MAGI2: variants seen among roughly 807,000 people sequenced by gnomAD.
MAGI2 encodes membrane-associated guanylate kinase, WW and PDZ domain-containing protein 2.
In MAGI2, 35 loss-of-function variants were observed where a neutral mutation model predicts 133.3. The ratio of observed to expected loss-of-function variants is 0.26; its 90% CI spans 0.20 to 0.35. The LOEUF (loss-of-function observed/expected upper bound fraction) is 0.35, where lower values mean the gene tolerates loss of function less well. Ranked by LOEUF, MAGI2 falls within the 10% of genes least tolerant of loss-of-function variation. MAGI2 has a pLI of 1.00. For missense variants in MAGI2, 1,636 were observed against 1,863.4 expected (o/e 0.88, Z 2.25); for synonymous variants, 729 against 710.6 (o/e 1.03, Z -0.41).
intron 1 of MAGI2, among the ~76,000 whole-genome samples, chr7:79,320,160 G>A (rs564766574): frequency 6.6e-6 from 1 of 152,062 alleles, no homozygotes; most frequent in East Asian, 1.9e-4. Flanking sequence ...TATTGCTTTA[G>A]AGAGTAAAAG....
intron 2 of MAGI2, among the ~76,000 whole-genome samples, chr7:79,002,655 T>C (rs1357847200): frequency 2.0e-5 from 3 of 151,656 alleles, no homozygotes; most frequent in Non-Finnish European, 4.4e-5. Context: ...AACTGTAAAA[T>C]AAACTCAACA....
intron 2 of MAGI2, among the ~76,000 whole-genome samples, chr7:78,708,954 A>G (rs1170671974): frequency 1.3e-5 from 2 of 152,000 alleles, no homozygotes; most frequent in African/African-American, 4.8e-5. Flanking sequence ...TCATATAATA[A>G]ATACCCTTCC....
At chr7:79,305,329 G>A (rs1837703908) in intron 1 of MAGI2, among the ~76,000 whole-genome samples, 1 of 152,070 alleles carries the variant, frequency 6.6e-6, no homozygotes, top group South Asian at 2.1e-4. Flanking sequence ...TGGAAGCTTT[G>A]ATTTAAAAAT....
chr7:78,697,763 G>T (rs1817666879), intron 2 of MAGI2, among the ~76,000 whole-genome samples: 2 of 151,826 alleles, frequency 1.3e-5, no homozygotes, highest in South Asian at 4.2e-4. Flanking sequence ...ATTTTTTTCA[G>T]GTCTTTAAGA....
chr7:79,203,395 C>G (rs1183296710), intron 1 of MAGI2, among the ~76,000 whole-genome samples: 3 of 152,028 alleles, frequency 2.0e-5, no homozygotes, highest in Non-Finnish European at 2.9e-5. Flanking sequence ...CCTATTTCAT[C>G]TGGTCCTGTC....
chr7:78,719,353 G>A (rs1211981493), intron 2 of MAGI2, among the ~76,000 whole-genome samples: 1 of 151,252 alleles, frequency 6.6e-6, no homozygotes, highest in African/African-American at 2.4e-5. Flanking sequence ...TTCCCTTAAG[G>A]TTGAAGGAAA....
chr7:79,055,525 C>G (rs988245618), intron 1 of MAGI2, among the ~76,000 whole-genome samples: 6 of 151,222 alleles, frequency 4.0e-5, no homozygotes, highest in Admixed American at 2.0e-4. Flanking sequence ...AGGAAAGTGA[C>G]AAGAGCAGCC....
chr7:78,171,684 T>C (rs1826122241), intron 14 of MAGI2, among the ~76,000 whole-genome samples: 1 of 152,248 alleles, frequency 6.6e-6, no homozygotes, highest in African/African-American at 2.4e-5. Flanking sequence ...CCACTGGTCC[T>C]GGGATCAGGA....
At chr7:78,700,995 T>C (rs1270712675) in intron 2 of MAGI2, among the ~76,000 whole-genome samples, 1 of 150,594 alleles carries the variant, frequency 6.6e-6, no homozygotes, top group Non-Finnish European at 1.5e-5. Context: ...AAATAAAATA[T>C]TAAATTTTAA....
intron 9 of MAGI2, among the ~76,000 whole-genome samples, chr7:78,330,707 T>C (rs879453313): frequency 6.6e-6 from 1 of 150,546 alleles, no homozygotes; most frequent in Non-Finnish European, 1.5e-5. Context: ...GGTTATGAAC[T>C]AAGCCTTGGG....
chr7:78,713,236 T>C (rs956765033), intron 2 of MAGI2, among the ~76,000 whole-genome samples: 1 of 152,204 alleles, frequency 6.6e-6, no homozygotes, highest in Non-Finnish European at 1.5e-5. Context: ...TTGTGCATAA[T>C]GTTTATTCCT....
intron 1 of MAGI2, among the ~76,000 whole-genome samples, chr7:79,339,304 T>C: frequency 6.6e-6 from 1 of 152,240 alleles, no homozygotes; most frequent in East Asian, 1.9e-4. Flanking sequence ...TTTTGTACTG[T>C]TAAGTGATAC....
chr7:78,767,164 G>GTATTTTCA (rs1310275046), intron 2 of MAGI2, among the ~76,000 whole-genome samples: 1 of 151,924 alleles, frequency 6.6e-6, no homozygotes, highest in African/African-American at 2.4e-5. Context: ...TAATTGTTTT[G>GTATTTTCA]TATTTTCAAT....
chr7:78,534,856 C>G (rs1797749615), intron 3 of MAGI2, among the ~76,000 whole-genome samples: 1 of 152,128 alleles, frequency 6.6e-6, no homozygotes, highest in South Asian at 2.1e-4. Context: ...TGAGTAAGGC[C>G]AGGTGCAGTG....
chr7:79,271,242 AGCATTCTGT>A (rs1834851345), intron 1 of MAGI2, among the ~76,000 whole-genome samples: 1 of 152,188 alleles, frequency 6.6e-6, no homozygotes, highest in Admixed American at 6.5e-5. Context: ...ACAATCATAT[AGCATTCTGT>A]GCCATCACAT....
At chr7:79,273,086 C>T (rs1834992678) in intron 1 of MAGI2, among the ~76,000 whole-genome samples, 1 of 152,024 alleles carries the variant, frequency 6.6e-6, no homozygotes, top group Non-Finnish European at 1.5e-5. Context: ...CAAGCCAATT[C>T]AGCAAATATT....
At position 79,290,678 on chromosome 7, in the gene MAGI2, T is replaced by C. The variant is rs1585445838; in HGVS notation, c.301+162342A>G. ...GATTTCTTCACACATTTAGTGTTCATTACTTTTCCACGATATGGTTCTAGA... is the reference window on the plus strand; with the variant it reads ...GATTTCTTCACACATTTAGTGTTCACTACTTTTCCACGATATGGTTCTAGA... On this transcript the variant is annotated intron_variant, in intron 1 of 21. Coordinates refer to ENST00000354212, the MANE Select transcript of MAGI2 (RefSeq NM_012301.4). Among the ~76,000 whole-genome samples the C allele has an allele frequency of 2.0e-5, 3 of 152,046 alleles. No homozygotes were observed. In the East Asian group the frequency reaches 5.8e-4, roughly 29 times the overall value.
rs185020990 is a variant in MAGI2 at position 79,068,071 on chromosome 7, C to T, written c.302-60865G>A. Reference sequence around the variant, plus strand: ...GGATATTGGCCTGAAATTTTCCTTTCTTGTTGTGTCTCTGCCAGGTTTTGG... The same window carrying T: ...GGATATTGGCCTGAAATTTTCCTTTTTTGTTGTGTCTCTGCCAGGTTTTGG... On this transcript the variant is annotated intron_variant, in intron 1 of 21. Coordinates refer to ENST00000354212, the MANE Select transcript of MAGI2 (RefSeq NM_012301.4). Among the ~76,000 whole-genome samples, 9 of 151,824 alleles carry T rather than the reference C, an allele frequency of 5.9e-5. No homozygotes were observed. In the East Asian group the frequency reaches 1.4e-3, roughly 23 times the overall value.
chr7:79,387,088 T>G (rs1844234861), intron 1 of MAGI2, among the ~76,000 whole-genome samples: 1 of 99,920 alleles, frequency 1.0e-5, no homozygotes, highest in African/African-American at 4.7e-5. Flanking sequence ...TCACAAATTT[T>G]TATGCTTGTG....
Sources: allele counts gnomAD v4.1 joint callset (sites outside exome capture counted in the v4.1 genomes callset), GRCh38; gene constraint gnomAD v4.1.1; transcripts MANE v1.5; gene names NCBI Gene and HGNC (gene_info 2026-07-23, HGNC 2026-07-21).